Variants in CDC14B observed in about 807,000 individuals in gnomAD.
CDC14B encodes the protein cell division cycle 14B, also known as dual specificity protein phosphatase CDC14B.
Under a neutral mutation model 64.2 loss-of-function variants are expected in CDC14B, and 22 were observed. The observed-to-expected ratio is 0.34, with a 90% CI of 0.24 to 0.49. The LOEUF is 0.49. Among genes scored for constraint, CDC14B ranks in the 20% least tolerant of loss-of-function variants. The pLI, the probability that CDC14B is intolerant of heterozygous loss-of-function variation, is 0.99. For missense variants in CDC14B, 498 were observed against 629.9 expected (o/e 0.79, Z 2.24); for synonymous variants, 191 against 215.8 (o/e 0.89, Z 1.01).
rs775629326 is a variant in CDC14B, at chr9:96,540,688, T to C, written c.564+1138A>G. Among the ~76,000 whole-genome samples the C allele has an allele frequency of 3.9e-5, 6 of 151,904 alleles. No homozygotes were observed. In the South Asian group the frequency reaches 8.3e-4, roughly 21 times the overall value. ...TTTCCAAACCCCTCAAAGCTTTACT[T>C]TTCTCTTTTTAAAGGTGAGTGTGCC... On this transcript the variant is annotated intron_variant, in intron 6 of 13. Coordinates refer to ENST00000375241, the MANE Select transcript of CDC14B (RefSeq NM_033331.4).
At chr9:96,611,865 C>A (rs940809701) in intron 1 of CDC14B, among the ~76,000 whole-genome samples, 1 of 152,176 alleles carries the variant, frequency 6.6e-6, no homozygotes, top group African/African-American at 2.4e-5. Flanking sequence ...ATTAACCACT[C>A]TGAAAATTTA....
At chr9:96,595,941 T>A (rs1564381178) in intron 1 of CDC14B, among the ~76,000 whole-genome samples, 2 of 152,154 alleles carry the variant, frequency 1.3e-5, no homozygotes, top group African/African-American at 4.8e-5. Flanking sequence ...TTAAAAATAT[T>A]TAAAGTTAAA....
intron 1 of CDC14B, among the ~76,000 whole-genome samples, chr9:96,573,859 A>C (rs1844628173): frequency 6.6e-6 from 1 of 152,150 alleles, no homozygotes; most frequent in East Asian, 1.9e-4. Context: ...GTGAAAAAAA[A>C]CAAGAAGGCC....
chr9:96,541,467 T>C (rs920364070), intron 6 of CDC14B, among the ~76,000 whole-genome samples: 1 of 152,250 alleles, frequency 6.6e-6, no homozygotes, highest in African/African-American at 2.4e-5. Context: ...ATCAGGTATA[T>C]AGAATATACA....
chr9:96,545,329 CTT>C (rs59040963), intron 5 of CDC14B, among the ~76,000 whole-genome samples: 11,858 of 132,880 alleles, frequency 0.089, 1,466 homozygotes, highest in African/African-American at 0.31. Context: ...TGATTATTTT[CTT>C]TTTTTTTTTT....
chr9:96,533,774 C>T (rs1838866512), intron 9 of CDC14B, among the ~76,000 whole-genome samples, 153 bp downstream of exon 9: 1 of 152,140 alleles, frequency 6.6e-6, no homozygotes, highest in African/African-American at 2.4e-5. Context: ...AAATAAGTTA[C>T]TATACTTTTC....
chr9:96,602,077 A>AAAAAC (rs1307522791), intron 1 of CDC14B, among the ~76,000 whole-genome samples: 2 of 152,184 alleles, frequency 1.3e-5, no homozygotes, highest in African/African-American at 2.4e-5. Flanking sequence ...AAACAAAAAC[A>AAAAAC]AAAACAAAAC....
intron 1 of CDC14B, among the ~76,000 whole-genome samples, chr9:96,618,951 T>G (rs1847812630): frequency 6.6e-6 from 1 of 152,186 alleles, no homozygotes; most frequent in East Asian, 1.9e-4. Context: ...CTTAGAAAGG[T>G]GACCCTCGGT....
chr9:96,577,398 C>T (rs1844877919), intron 1 of CDC14B, among the ~76,000 whole-genome samples: 1 of 152,064 alleles, frequency 6.6e-6, no homozygotes, highest in South Asian at 2.1e-4. Flanking sequence ...AGTAAGAATT[C>T]TTATTTAAAT....
intron 1 of CDC14B, among the ~76,000 whole-genome samples, chr9:96,587,187 C>A (rs116791555): frequency 0.015 from 2,325 of 150,370 alleles, 59 homozygotes; most frequent in African/African-American, 0.053. Flanking sequence ...ACAAAAACAA[C>A]AAAAAAAAAG....
intron 1 of CDC14B, chr9:96,618,513 A>G (rs1437915193): frequency 1.9e-6 from 1 of 533,426 alleles, no homozygotes; most frequent in Non-Finnish European, 3.8e-6. Context: ...GCTGGCTGGG[A>G]TTTCTCAAAA....
chr9:96,570,267 T>C (rs1167255004), intron 1 of CDC14B, among the ~76,000 whole-genome samples: 1 of 152,240 alleles, frequency 6.6e-6, no homozygotes, highest in Non-Finnish European at 1.5e-5. Context: ...TTGGGGATAA[T>C]TAACCATAAA....
intron 1 of CDC14B, among the ~76,000 whole-genome samples, chr9:96,604,064 A>T (rs973022409): frequency 2.0e-5 from 3 of 152,170 alleles, no homozygotes; most frequent in Non-Finnish European, 2.9e-5. Flanking sequence ...AGTTCCTGGA[A>T]ATGGAACTTG....
At chr9:96,508,140 C>T (rs927952636) in intron 13 of CDC14B, among the ~76,000 whole-genome samples, 14 of 151,944 alleles carry the variant, frequency 9.2e-5, no homozygotes, top group Admixed American at 2.0e-4. Context: ...CTCAGCCTCC[C>T]GAGTAGCTGG....
At chr9:96,565,620 TA>T (rs1843804371) in intron 1 of CDC14B, 137 bp from the exon 2 acceptor site, 1 of 697,210 alleles carries the variant, frequency 1.4e-6, no homozygotes, top group African/African-American at 1.8e-5. Flanking sequence ...TGGTAATGGG[TA>T]ATTACAAAAT....
At position 96,564,789 on chromosome 9, in the gene CDC14B, A is replaced by G; in HGVS notation, c.315T>C (p.Asn105=). Residue 105 remains asparagine (N), a synonymous_variant, in exon 3 of 14, where the codon AAT becomes AAC. Transcript: ENST00000375241. ...AMVYRYCCKI[N]KKLKSITMLR... ...TTAAAGACTTTACCTTTAATTTCTT[A>G]TTGATCTTGCAACAATATCTGTAAA... is the stretch of plus-strand genomic sequence containing the variant. The G allele has an allele frequency of 6.3e-7, 1 of 1,595,310 alleles. No homozygotes were observed. Among genetic ancestry groups the G allele is most frequent in the South Asian group, 1.1e-5 (1 of 88,380 alleles).
intron 1 of CDC14B, among the ~76,000 whole-genome samples, chr9:96,617,153 A>T (rs1847682381): frequency 6.6e-6 from 1 of 152,014 alleles, no homozygotes; most frequent in African/African-American, 2.4e-5. Context: ...GTGAAGAGCA[A>T]AAGAACAAAG....
chr9:96,522,950 A>T (rs1836972746), intron 11 of CDC14B, among the ~76,000 whole-genome samples: 1 of 152,184 alleles, frequency 6.6e-6, no homozygotes, highest in African/African-American at 2.4e-5. Flanking sequence ...TCTATTTGAG[A>T]ATGATTGCTT....
chr9:96,609,434 A>T (rs921565540), intron 1 of CDC14B, among the ~76,000 whole-genome samples: 2 of 152,188 alleles, frequency 1.3e-5, no homozygotes, highest in African/African-American at 4.8e-5. Context: ...CTCAGTCTTC[A>T]GGGAAAAGGG....
Sources: allele counts gnomAD v4.1 joint callset (sites outside exome capture counted in the v4.1 genomes callset), GRCh38; gene constraint gnomAD v4.1.1; transcripts MANE v1.5; gene names NCBI Gene and HGNC (gene_info 2026-07-23, HGNC 2026-07-21).